TRAPPC9: variants seen among roughly 807,000 people sequenced by gnomAD.
The protein encoded by TRAPPC9 is IKK2 binding protein.
In TRAPPC9, 83 loss-of-function variants were observed where a neutral mutation model predicts 124.0. The observed-to-expected ratio is 0.67, with a 90% CI of 0.56 to 0.80. The LOEUF (loss-of-function observed/expected upper bound fraction) is 0.80, where lower values mean the gene tolerates loss of function less well. Ranked by LOEUF, TRAPPC9 falls within the 30% of genes least tolerant of loss-of-function variation. The pLI, the probability that TRAPPC9 is intolerant of heterozygous loss-of-function variation, is 0.00. For synonymous variants in TRAPPC9, 638 were observed against 617.5 expected, an observed-to-expected ratio of 1.03 and a Z score of -0.49; for missense variants, 1,302 against 1,508.3, an observed-to-expected ratio of 0.86 and a Z score of 2.27.
At chr8:140,373,023 A>G (rs2068327529) in intron 7 of TRAPPC9, among the ~76,000 whole-genome samples, 1 of 152,194 alleles carries the variant, frequency 6.6e-6, no homozygotes, top group African/African-American at 2.4e-5. Context: ...TCGAGGCCCC[A>G]CTGCCTACCT....
At chr8:139,871,203 C>A (rs1388236715) in intron 21 of TRAPPC9, among the ~76,000 whole-genome samples, 1 of 152,130 alleles carries the variant, frequency 6.6e-6, no homozygotes, top group Non-Finnish European at 1.5e-5. Context: ...CTGAGAGGTG[C>A]CTTCGCTCTG....
chr8:139,891,682 C>T (rs1830356394), intron 20 of TRAPPC9, among the ~76,000 whole-genome samples: 1 of 152,206 alleles, frequency 6.6e-6, no homozygotes. Flanking sequence ...CGGGGCTTGA[C>T]ATCTTTCAAG....
chr8:140,082,436 G>A (rs1257190358), intron 17 of TRAPPC9, among the ~76,000 whole-genome samples: 2 of 152,104 alleles, frequency 1.3e-5, no homozygotes, highest in Non-Finnish European at 2.9e-5. Flanking sequence ...CAGCAGAAAG[G>A]GCATCTGCAT....
intron 11 of TRAPPC9, 73 bp from the exon 12 acceptor site, chr8:140,291,151 T>G (rs2065643717): frequency 7.3e-7 from 1 of 1,370,982 alleles, no homozygotes; most frequent in Non-Finnish European, 1.0e-6. Context: ...GGTTTCCAAT[T>G]ATTCCTCTGG....
At chr8:139,972,646 G>A (rs1436962384) in intron 19 of TRAPPC9, among the ~76,000 whole-genome samples, 1 of 152,106 alleles carries the variant, frequency 6.6e-6, no homozygotes, top group Non-Finnish European at 1.5e-5. Context: ...CCACGACTTG[G>A]CCCAGAGCAA....
chr8:139,953,699 T>G (rs1834805769), intron 19 of TRAPPC9, among the ~76,000 whole-genome samples: 2 of 152,170 alleles, frequency 1.3e-5, no homozygotes, highest in Non-Finnish European at 2.9e-5. Flanking sequence ...GATCTCAAAA[T>G]GCAAGAGTGA....
At position 140,451,277 on chromosome 8, in the gene TRAPPC9, TGAA is replaced by T. The variant is rs1441940598; in HGVS notation, c.94_96del (p.Phe32del). 6 of 1,612,328 alleles carry T rather than the reference TGAA, an allele frequency of 3.7e-6. No homozygotes were observed. The highest frequency in any genetic ancestry group is 1.3e-5 in the African/African-American group (1 of 74,936). ...ACAGAGCAAATCCTCTTATAGATCC[TGAA>T]GAAGTTCTCCTCGGAGACGATGCCC... On this transcript the variant is annotated inframe_deletion, in exon 2 of 23. Coordinates refer to ENST00000438773, the MANE Select transcript of TRAPPC9 (RefSeq NM_001160372.4).
chr8:139,753,700 C>A (rs1439621280), intron 21 of TRAPPC9, among the ~76,000 whole-genome samples: 1 of 152,208 alleles, frequency 6.6e-6, no homozygotes, highest in Non-Finnish European at 1.5e-5. Context: ...CTTATGTCTG[C>A]CATTACTAGC....
intron 21 of TRAPPC9, among the ~76,000 whole-genome samples, chr8:139,749,926 G>C (rs1819203055): frequency 1.3e-5 from 2 of 152,190 alleles, no homozygotes; most frequent in Admixed American, 1.3e-4. Context: ...CCTGGTCAAG[G>C]GAGATGGGCC....
chr8:139,817,543 G>A (rs1203167020), intron 21 of TRAPPC9, among the ~76,000 whole-genome samples: 2 of 152,244 alleles, frequency 1.3e-5, no homozygotes, highest in Admixed American at 6.5e-5. Context: ...GTGCCCTCCT[G>A]GTCTCCTGCC....
intron 19 of TRAPPC9, among the ~76,000 whole-genome samples, chr8:139,944,408 T>C (rs1005884986): frequency 2.0e-5 from 3 of 152,234 alleles, no homozygotes; most frequent in African/African-American, 7.2e-5. Context: ...ATAATGTACA[T>C]AGATCTGACA....
chr8:140,225,570 T>C (rs1333959660), intron 16 of TRAPPC9, among the ~76,000 whole-genome samples: 1 of 152,210 alleles, frequency 6.6e-6, no homozygotes, highest in East Asian at 1.9e-4. Context: ...ATGCCTGCTG[T>C]GAAGGGTACT....
intron 17 of TRAPPC9, among the ~76,000 whole-genome samples, chr8:140,085,943 T>C (rs943915354): frequency 2.0e-5 from 3 of 149,574 alleles, no homozygotes; most frequent in Non-Finnish European, 4.4e-5. Flanking sequence ...CCCTTAGGAA[T>C]CACTGTGGTT....
At chr8:140,286,502 C>G (rs2065488347) in intron 13 of TRAPPC9, among the ~76,000 whole-genome samples, 1 of 152,150 alleles carries the variant, frequency 6.6e-6, no homozygotes, top group Admixed American at 6.5e-5. Context: ...GAGTTATGAT[C>G]TGCAAGACCG....
At chr8:139,755,535 T>A (rs1367231381) in intron 21 of TRAPPC9, among the ~76,000 whole-genome samples, 5 of 137,766 alleles carry the variant, frequency 3.6e-5, no homozygotes, top group Admixed American at 7.2e-5. Flanking sequence ...GAGCCAGGGT[T>A]TGGGGATGAG....
At chr8:139,986,153 G>C (rs1837228545) in intron 19 of TRAPPC9, among the ~76,000 whole-genome samples, 2 of 152,224 alleles carry the variant, frequency 1.3e-5, no homozygotes, top group African/African-American at 4.8e-5. Flanking sequence ...TGAGGCAGGA[G>C]AAACGCTTGA....
At chr8:140,366,848 A>T (rs2068125872) in intron 8 of TRAPPC9, among the ~76,000 whole-genome samples, 1 of 152,216 alleles carries the variant, frequency 6.6e-6, no homozygotes, top group Non-Finnish European at 1.5e-5. Context: ...ACTGTCATCC[A>T]AATCATAGAA....
At chr8:139,875,229 C>T (rs1829244700) in intron 21 of TRAPPC9, among the ~76,000 whole-genome samples, 2 of 152,114 alleles carry the variant, frequency 1.3e-5, no homozygotes, top group Non-Finnish European at 2.9e-5. Flanking sequence ...TGCATCCAGG[C>T]TGCCTGGGTT....
Position 140,360,161 on chromosome 8 carries a change from G to A in TRAPPC9, c.1384C>T (p.Arg462Cys), listed in dbSNP as rs756486265. 4.3e-6 allele frequency: 7 copies of A among 1,614,088 alleles called. No individual in the cohort carries two copies. The highest frequency in any genetic ancestry group is 2.2e-5 in the East Asian group (1 of 44,898). The change falls in exon 9 of 23, where the codon CGT (arginine) becomes TGT (cysteine). Residue 462 changes from arginine (R) to cysteine (C), a missense_variant. Transcript: ENST00000438773. ...GCGTAGACCAATTCATGGAGCAAAC[G>A]CATCTGGACCGCAGCCCAGCCTCTG... ...THRGWAAVQM[R>C]LLHELVYASR...
Sources: allele counts gnomAD v4.1 joint callset (sites outside exome capture counted in the v4.1 genomes callset), GRCh38; gene constraint gnomAD v4.1.1; transcripts MANE v1.5; gene names NCBI Gene and HGNC (gene_info 2026-07-23, HGNC 2026-07-21).